The following DPP10 variants were observed in gnomAD, a reference collection of about 807,000 sequenced individuals.
The protein encoded by DPP10 is inactive dipeptidyl peptidase 10.
Under a neutral mutation model 120.9 loss-of-function variants are expected in DPP10, and 33 were observed. The ratio of observed to expected loss-of-function variants is 0.27; its 90% CI spans 0.21 to 0.37. The LOEUF (loss-of-function observed/expected upper bound fraction) is 0.37. DPP10 is among the 10% of genes least tolerant of loss of function. The pLI, the probability that DPP10 is intolerant of heterozygous loss-of-function variation, is 1.00. For missense variants in DPP10, 816 were observed against 942.8 expected, an observed-to-expected ratio of 0.87 and a Z score of 1.76; for synonymous variants, 337 against 326.1, an observed-to-expected ratio of 1.03 and a Z score of -0.36.
intron 5 of DPP10, among the ~76,000 whole-genome samples, chr2:115,682,183 T>C (rs1054599025): frequency 6.6e-6 from 1 of 151,978 alleles, no homozygotes; most frequent in Non-Finnish European, 1.5e-5. Context: ...AAATCGCTTG[T>C]ACTACTTTCA....
chr2:115,000,016 G>GTT (rs11458624), intron 1 of DPP10, among the ~76,000 whole-genome samples: 112 of 150,742 alleles, frequency 7.4e-4, no homozygotes, highest in African/African-American at 2.1e-3. Context: ...CAACCAATTA[G>GTT]TTTTTTTTTA....
At chr2:115,734,430 C>T (rs940817117) in intron 8 of DPP10, among the ~76,000 whole-genome samples, 5 of 151,790 alleles carry the variant, frequency 3.3e-5, no homozygotes, top group African/African-American at 7.3e-5. Context: ...CCGAGGTGGG[C>T]GGATCAACTG....
intron 2 of DPP10, among the ~76,000 whole-genome samples, chr2:115,310,411 C>G (rs1396933492): frequency 6.6e-6 from 1 of 152,022 alleles, no homozygotes; most frequent in East Asian, 1.9e-4. Flanking sequence ...ATCAATTGTT[C>G]CAGTGAGACA....
chr2:115,757,377 G>A (rs931293511), intron 11 of DPP10, among the ~76,000 whole-genome samples: 1 of 152,014 alleles, frequency 6.6e-6, no homozygotes, highest in Non-Finnish European at 1.5e-5. Context: ...AGTTCTGCAT[G>A]TCTGGGGAGG....
chr2:115,424,780 C>T (rs1360131314), intron 3 of DPP10, among the ~76,000 whole-genome samples: 2 of 152,008 alleles, frequency 1.3e-5, no homozygotes, highest in Non-Finnish European at 2.9e-5. Flanking sequence ...TATTTAAGAC[C>T]TCACCTTTAC....
chr2:114,596,615 T>G (rs775148394), intron 1 of DPP10, among the ~76,000 whole-genome samples: 5 of 152,112 alleles, frequency 3.3e-5, no homozygotes, highest in Non-Finnish European at 7.4e-5. Context: ...TAGCCATTGC[T>G]CATTGAGTAC....
chr2:115,630,972 G>T (rs1193167464), intron 5 of DPP10, among the ~76,000 whole-genome samples: 2 of 150,466 alleles, frequency 1.3e-5, no homozygotes, highest in Non-Finnish European at 2.9e-5. Context: ...AGTTTCAGAA[G>T]AAGTGGCACC....
At chr2:115,700,024 CTT>C (rs34580561) in intron 7 of DPP10, among the ~76,000 whole-genome samples, 1 of 152,118 alleles carries the variant, frequency 6.6e-6, no homozygotes, top group Non-Finnish European at 1.5e-5. Context: ...CCTCAGGAAA[CTT>C]TTACTCATGG....
chr2:114,757,682 C>T (rs1239798692), intron 1 of DPP10, among the ~76,000 whole-genome samples: 2 of 152,012 alleles, frequency 1.3e-5, no homozygotes, highest in East Asian at 3.9e-4. Context: ...AAGTGTGGTC[C>T]CCTGACCAAC....
intron 5 of DPP10, among the ~76,000 whole-genome samples, chr2:115,590,453 T>G (rs2082582453): frequency 6.6e-6 from 1 of 152,256 alleles, no homozygotes; most frequent in South Asian, 2.1e-4. Flanking sequence ...TTGCTGAGAA[T>G]GATGGTTTCC....
At chr2:115,091,033 C>T (rs6759370) in intron 1 of DPP10, among the ~76,000 whole-genome samples, 120,786 of 152,092 alleles carry the variant, frequency 0.79, 48,691 homozygotes, top group Non-Finnish European at 0.88. Flanking sequence ...TGGCAATGCT[C>T]CTGCTCTGTC....
chr2:115,437,452 AGT>A (rs1458963513), intron 3 of DPP10, among the ~76,000 whole-genome samples: 1 of 152,086 alleles, frequency 6.6e-6, no homozygotes, highest in Non-Finnish European at 1.5e-5. Context: ...ATGAGGATGA[AGT>A]GGAGTGAAAA....
At chr2:115,783,588 G>A (rs533453097) in intron 17 of DPP10, among the ~76,000 whole-genome samples, 7 of 152,136 alleles carry the variant, frequency 4.6e-5, no homozygotes, top group Non-Finnish European at 8.8e-5. Context: ...ATTTGTGTTG[G>A]GTTTTTGTGT....
rs567046222 is a variant in DPP10, at chr2:115,645,937, TAGAC to T, written c.442-43747_442-43744del. Among the ~76,000 whole-genome samples, 733 of 152,254 alleles carry T rather than the reference TAGAC, an allele frequency of 4.8e-3. 6 individuals are homozygous for T. The highest frequency in any genetic ancestry group is 8.0e-3 in the Non-Finnish European group (545 of 68,010). ...GGGACAAAGCACAACATAAATATCA[TAGAC>T]AGGAAAGACAGAAGAGTCTAAATAT... On this transcript the variant is annotated intron_variant, in intron 5 of 25. Coordinates refer to ENST00000410059, the MANE Select transcript of DPP10 (RefSeq NM_020868.6).
intron 1 of DPP10, among the ~76,000 whole-genome samples, chr2:114,604,472 C>T (rs192819738): frequency 8.5e-5 from 13 of 152,170 alleles, no homozygotes; most frequent in African/African-American, 3.1e-4. Flanking sequence ...TTGCCCTGAC[C>T]CATCTGCGTG....
chr2:115,663,529 G>A (rs996959584), intron 5 of DPP10, among the ~76,000 whole-genome samples: 4 of 152,124 alleles, frequency 2.6e-5, no homozygotes, highest in East Asian at 1.9e-4. Context: ...GTCCATAGGC[G>A]AACTGCTTAG....
intron 7 of DPP10, among the ~76,000 whole-genome samples, chr2:115,697,557 C>A: frequency 1.3e-5 from 2 of 150,054 alleles, no homozygotes; most frequent in Admixed American, 6.7e-5. Context: ...ATATATAAAG[C>A]TAAAAATGAA....
Position 115,018,946 on chromosome 2 carries a change from G to A in DPP10, c.61-290293G>A, listed in dbSNP as rs149073887. ...AGCCCTGAGCAGCCCCACTTCTGCC[G>A]CTGGTCTAGTTACCATCACTCCCGG... is the stretch of plus-strand genomic sequence containing the variant. On this transcript the variant is annotated intron_variant, in intron 1 of 25. Transcript: ENST00000410059. Among the ~76,000 whole-genome samples, 790 of 152,054 alleles carry A rather than the reference G, an allele frequency of 5.2e-3. 5 individuals are homozygous for A. Among genetic ancestry groups the A allele is most frequent in the Middle Eastern group, 0.01 (3 of 294 alleles).
At chr2:115,739,935 T>G (rs778700188) in intron 9 of DPP10, 42 bp downstream of exon 9, 5 of 1,595,560 alleles carry the variant, frequency 3.1e-6, no homozygotes, top group Non-Finnish European at 4.3e-6. Context: ...TCTCTCTCTC[T>G]GCACTAGTGA....
Sources: allele counts gnomAD v4.1 joint callset (sites outside exome capture counted in the v4.1 genomes callset), GRCh38; gene constraint gnomAD v4.1.1; transcripts MANE v1.5; gene names NCBI Gene and HGNC (gene_info 2026-07-23, HGNC 2026-07-21).